Variants in ALK observed in about 807,000 individuals in gnomAD.
ALK encodes the protein ALK receptor tyrosine kinase, also known as ALK tyrosine kinase receptor.
In ALK, 74 loss-of-function variants were observed where a neutral mutation model predicts 163.1. The ratio of observed to expected loss-of-function variants is 0.45; its 90% CI spans 0.38 to 0.55. ALK has a LOEUF of 0.55. Among genes scored for constraint, ALK ranks in the 20% least tolerant of loss-of-function variants. The pLI, the probability that ALK is intolerant of heterozygous loss-of-function variation, is 0.00. For missense variants in ALK, 2,063 were observed against 2,105.3 expected, an observed-to-expected ratio of 0.98 and a Z score of 0.39; for synonymous variants, 960 against 843.2, an observed-to-expected ratio of 1.14 and a Z score of -2.40.
intron 5 of ALK, among the ~76,000 whole-genome samples, chr2:29,344,394 C>T (rs1229032638): frequency 6.6e-6 from 1 of 152,168 alleles, no homozygotes; most frequent in Non-Finnish European, 1.5e-5. Context: ...AAAGACTGTG[C>T]AGCGTCCTCC....
Position 29,633,795 on chromosome 2 carries a change from C to T in ALK, c.952+61055G>A, listed in dbSNP as rs186730386. Among the ~76,000 whole-genome samples, 345 of 152,194 alleles carry T rather than the reference C, an allele frequency of 2.3e-3. 3 individuals are homozygous for T. Among genetic ancestry groups the T allele is most frequent in the African/African-American group, 6.7e-3 (278 of 41,514 alleles). ...AGGGAATACTACAAACAATTCTACA[C>T]GTATACATTTAACAACATAGATAAA... On this transcript the variant is annotated intron_variant, in intron 3 of 28. Transcript: ENST00000389048.
intron 1 of ALK, among the ~76,000 whole-genome samples, chr2:29,833,428 T>C (rs905398982): frequency 6.6e-6 from 1 of 152,248 alleles, no homozygotes; most frequent in South Asian, 2.1e-4. Flanking sequence ...TCATCTCTCA[T>C]GCTCTACAGT....
intron 3 of ALK, among the ~76,000 whole-genome samples, chr2:29,647,495 T>C (rs140232712): frequency 4.5e-4 from 69 of 152,230 alleles, no homozygotes; most frequent in African/African-American, 1.6e-3. Flanking sequence ...CCTGCAATCT[T>C]TCATGTTTAG....
intron 3 of ALK, among the ~76,000 whole-genome samples, chr2:29,567,117 T>C (rs554206418): frequency 6.6e-6 from 1 of 152,216 alleles, no homozygotes; most frequent in Non-Finnish European, 1.5e-5. Context: ...TGGTGCTCTA[T>C]GTAAATGAAG....
In ALK at chr2:29,223,177, C is replaced by A. The variant is rs78365742; in HGVS notation, c.3359+165G>T. On this transcript the variant is annotated intron_variant, in intron 20 of 28. Transcript: ENST00000389048. Reference sequence around the variant, plus strand: ...AACTATGGGAGTTAATGTAAGCCAACATACATGGCCCTGAATGTCAAGGCT... The same window carrying A: ...AACTATGGGAGTTAATGTAAGCCAAAATACATGGCCCTGAATGTCAAGGCT... Among the ~76,000 whole-genome samples, 2,139 of 152,266 alleles carry A rather than the reference C, an allele frequency of 0.014. 43 individuals carry two copies. Among genetic ancestry groups the A allele is most frequent in the African/African-American group, 0.049 (2,030 of 41,532 alleles).
chr2:29,730,051 AC>A lies in ALK; in HGVS notation c.668-12355del, dbSNP rs1427507969. ...AGAAGGTAAGTCGTCCTATTAAACCACCCAAGCAGCTTGCACCCTGGCACAC... is the reference window on the plus strand; with the variant it reads ...AGAAGGTAAGTCGTCCTATTAAACCACCAAGCAGCTTGCACCCTGGCACAC... On this transcript the variant is annotated intron_variant, in intron 1 of 28. Transcript: ENST00000389048. Among the ~76,000 whole-genome samples, 5 of 152,154 alleles carry A rather than the reference AC, an allele frequency of 3.3e-5. No individual in the cohort carries two copies. The East Asian group carries it at 9.7e-4, about 29-fold the overall frequency.
Position 29,318,466 on chromosome 2 carries a change from A to G in ALK, c.1547-62T>C, listed in dbSNP as rs1245190821. The stretch of plus-strand genomic sequence containing the variant: ...TCAGGAACTGGGGGACCAGGGGTGC[A>G]GGGTTAATGGACTGTGCACAGTTCT... On this transcript the variant is annotated intron_variant, in intron 7 of 28. Transcript: ENST00000389048. 6.0e-6 allele frequency: 7 copies of G among 1,171,682 alleles called. 1 individual carries two copies. The South Asian group carries it at 6.1e-5, about 10-fold the overall frequency. The allele number at this position is 1,171,682 out of a possible 1,614,324, so 72.6% of individuals were successfully genotyped here.
At chr2:29,324,636 T>C (rs1301844119) in intron 6 of ALK, among the ~76,000 whole-genome samples, 3 of 152,208 alleles carry the variant, frequency 2.0e-5, no homozygotes, top group Non-Finnish European at 2.9e-5. Context: ...ACCTAGTGAA[T>C]CACTGACCCA....
At chr2:29,422,401 C>T (rs1325481326) in intron 4 of ALK, among the ~76,000 whole-genome samples, 6 of 151,278 alleles carry the variant, frequency 4.0e-5, no homozygotes, top group Middle Eastern at 3.2e-3. Context: ...GATGAAACCT[C>T]ATCCCTGATC....
At chr2:29,567,315 G>A (rs1435790418) in intron 3 of ALK, among the ~76,000 whole-genome samples, 4 of 152,184 alleles carry the variant, frequency 2.6e-5, no homozygotes, top group African/African-American at 4.8e-5. Context: ...AAGATCATAT[G>A]ACTAGGCCCC....
chr2:29,279,497 A>G (rs1665652314), intron 9 of ALK, among the ~76,000 whole-genome samples: 1 of 152,128 alleles, frequency 6.6e-6, no homozygotes, highest in Admixed American at 6.5e-5. Flanking sequence ...GAGGCCGTCT[A>G]GGAATGGGGT....
At chr2:29,503,673 G>C (rs1052863209) in intron 4 of ALK, among the ~76,000 whole-genome samples, 19 of 152,114 alleles carry the variant, frequency 1.2e-4, no homozygotes, top group Admixed American at 4.6e-4. Flanking sequence ...ATGAGTGAAG[G>C]CAGAGACCTA....
At chr2:29,428,295 G>A (rs953102497) in intron 4 of ALK, among the ~76,000 whole-genome samples, 4 of 151,714 alleles carry the variant, frequency 2.6e-5, no homozygotes, top group Non-Finnish European at 5.9e-5. Context: ...ACAGAGAATA[G>A]AAAAAATAGA....
intron 1 of ALK, among the ~76,000 whole-genome samples, chr2:29,800,300 G>C (rs765216310): frequency 6.6e-6 from 1 of 152,200 alleles, no homozygotes; most frequent in African/African-American, 2.4e-5. Flanking sequence ...CAAGGAACCA[G>C]ACTTAGTCCT....
chr2:29,383,813 G>T lies in ALK; in HGVS notation c.1201C>A (p.Arg401=), dbSNP rs865931787. 1 of 1,614,128 alleles carries T rather than the reference G, an allele frequency of 6.2e-7. No individual in the cohort carries two copies. The highest frequency in any genetic ancestry group is 8.5e-7 in the Non-Finnish European group (1 of 1,179,988). Residue 401 remains arginine (R), a synonymous_variant, in exon 5 of 29, where the codon CGA becomes AGA. Transcript: ENST00000389048. ...GRIGRPDNPF[R]VALEYISSGN... is the part of the protein sequence containing the mutation. Reference sequence around the variant, plus strand: ...CTGGAGATGTATTCCAGGGCCACTCGAAATGGGTTGTCTGGACGCCCGATT... The same window carrying T: ...CTGGAGATGTATTCCAGGGCCACTCTAAATGGGTTGTCTGGACGCCCGATT...
At chr2:29,479,411 C>A (rs1033811309) in intron 4 of ALK, among the ~76,000 whole-genome samples, 1 of 152,332 alleles carries the variant, frequency 6.6e-6, no homozygotes, top group African/African-American at 2.4e-5. Flanking sequence ...CATTCTTCAC[C>A]CGCTTGGTGA....
chr2:29,435,204 T>C (rs1307389552), intron 4 of ALK, among the ~76,000 whole-genome samples: 1 of 152,168 alleles, frequency 6.6e-6, no homozygotes. Flanking sequence ...TTGTCATTCA[T>C]TCATTAAACA....
chr2:29,850,377 G>A (rs1665958694), intron 1 of ALK, among the ~76,000 whole-genome samples: 1 of 152,198 alleles, frequency 6.6e-6, no homozygotes, highest in Admixed American at 6.5e-5. Flanking sequence ...GAGGCAGGGG[G>A]AACATAGGTG....
intron 26 of ALK, among the ~76,000 whole-genome samples, chr2:29,206,562 G>A (rs1487839767): frequency 6.6e-6 from 1 of 152,070 alleles, no homozygotes; most frequent in Non-Finnish European, 1.5e-5. Context: ...ATGAGCAACC[G>A]TGCCTGGCCT....
Sources: allele counts gnomAD v4.1 joint callset (sites outside exome capture counted in the v4.1 genomes callset), GRCh38; gene constraint gnomAD v4.1.1; transcripts MANE v1.5; gene names NCBI Gene and HGNC (gene_info 2026-07-23, HGNC 2026-07-21).